DTD1: variants seen among roughly 807,000 people sequenced by gnomAD.
DTD1 encodes D-aminoacyl-tRNA deacylase 1.
In DTD1, 13 loss-of-function variants were observed where a neutral mutation model predicts 25.6. That is an observed-to-expected ratio of 0.51 (90% CI 0.33 to 0.81). The LOEUF (loss-of-function observed/expected upper bound fraction) is 0.81, where lower values mean the gene tolerates loss of function less well. DTD1 is among the 30% of genes least tolerant of loss of function. The pLI, the probability that DTD1 is intolerant of heterozygous loss-of-function variation, is 0.02. For synonymous variants in DTD1, 110 were observed against 103.6 expected (o/e 1.06, Z -0.37); for missense variants, 193 against 266.4 (o/e 0.72, Z 1.92).
intron 4 of DTD1, among the ~76,000 whole-genome samples, chr20:18,669,198 G>A (rs1210861181): frequency 3.3e-5 from 5 of 152,190 alleles, no homozygotes; most frequent in South Asian, 2.1e-4. Flanking sequence ...GGGAAGGGGC[G>A]TCTCTGAGGC....
intron 4 of DTD1, among the ~76,000 whole-genome samples, chr20:18,692,261 A>G (rs1414211697): frequency 6.6e-6 from 1 of 152,160 alleles, no homozygotes; most frequent in Non-Finnish European, 1.5e-5. Flanking sequence ...AAGGAGTTTG[A>G]CGTTTGCTGA....
chr20:18,596,602 C>T (rs1210425732), intron 3 of DTD1, among the ~76,000 whole-genome samples: 1 of 151,516 alleles, frequency 6.6e-6, no homozygotes, highest in Non-Finnish European at 1.5e-5. Flanking sequence ...TTCTTGTAGC[C>T]ATATTTAAAA....
intron 4 of DTD1, among the ~76,000 whole-genome samples, chr20:18,639,268 A>G (rs749085478): frequency 5.3e-5 from 8 of 151,596 alleles, no homozygotes; most frequent in South Asian, 2.1e-4. Context: ...ACTATTGCCC[A>G]GTTTTCCCCC....
chr20:18,652,671 G>A (rs562428595), intron 4 of DTD1, among the ~76,000 whole-genome samples: 3 of 152,266 alleles, frequency 2.0e-5, no homozygotes, highest in African/African-American at 4.8e-5. Context: ...TTTCCATCCC[G>A]CTGGAGCACT....
At chr20:18,670,271 C>A (rs1191226863) in intron 4 of DTD1, among the ~76,000 whole-genome samples, 1 of 152,182 alleles carries the variant, frequency 6.6e-6, no homozygotes, top group African/African-American at 2.4e-5. Flanking sequence ...GCCTGGCCAA[C>A]ATGGCAAAAC....
rs897922896 is a variant in DTD1 at position 18,762,234 on chromosome 20, G to A, written c.*20-1126G>A. Among the ~76,000 whole-genome samples the A allele has an allele frequency of 5.9e-5, 9 of 152,286 alleles. No individual in the cohort carries two copies. In the East Asian group the frequency reaches 9.7e-4, roughly 16 times the overall value. On this transcript the variant is annotated intron_variant, in intron 5 of 5. Coordinates refer to ENST00000377452, the MANE Select transcript of DTD1 (RefSeq NM_080820.6). Reference sequence around the variant, plus strand: ...TGGCACTGCCATGGCATATTGAGTCGTATTGAAATCTTTTGCTTTTACTGA... The same window carrying A: ...TGGCACTGCCATGGCATATTGAGTCATATTGAAATCTTTTGCTTTTACTGA...
At position 18,631,988 on chromosome 20, in the gene DTD1, G is replaced by C. The variant is rs1004188835; in HGVS notation, c.477+3755G>C. The C allele has an allele frequency of 6.9e-6, 6 of 871,658 alleles. No homozygotes were observed. In the Admixed American group the frequency reaches 3.7e-4, roughly 54 times the overall value. The allele number at this position is 871,658 out of a possible 1,614,324, so 54.0% of individuals were successfully genotyped here. A position where few individuals can be genotyped will look rare whatever the true frequency, so the allele number is the denominator to read the frequency against. On this transcript the variant is annotated intron_variant, in intron 4 of 5. Coordinates refer to ENST00000377452, the MANE Select transcript of DTD1 (RefSeq NM_080820.6). Reference sequence around the variant, plus strand: ...CAAGATCTAATGTACACCATAAGGAGTGCAGTATCATATTGTGCACTGGGA... The same window carrying C: ...CAAGATCTAATGTACACCATAAGGACTGCAGTATCATATTGTGCACTGGGA...
intron 4 of DTD1, among the ~76,000 whole-genome samples, chr20:18,646,609 T>G (rs2060851442): frequency 6.6e-6 from 1 of 152,158 alleles, no homozygotes; most frequent in Non-Finnish European, 1.5e-5. Context: ...TCAGATTTGG[T>G]GTTTTCGTGT....
intron 5 of DTD1, among the ~76,000 whole-genome samples, chr20:18,753,847 T>C (rs1034849115): frequency 6.6e-6 from 1 of 152,108 alleles, no homozygotes; most frequent in Non-Finnish European, 1.5e-5. Flanking sequence ...GACCATCAGC[T>C]CTCAAGCAAA....
intron 4 of DTD1, among the ~76,000 whole-genome samples, chr20:18,658,002 A>C (rs4813337): frequency 6.6e-6 from 1 of 152,326 alleles, no homozygotes; most frequent in South Asian, 2.1e-4. Context: ...ACCAGGAGGC[A>C]AGGATACTTG....
At chr20:18,723,365 A>G (rs2061212241) in intron 4 of DTD1, among the ~76,000 whole-genome samples, 1 of 152,238 alleles carries the variant, frequency 6.6e-6, no homozygotes, top group Non-Finnish European at 1.5e-5. Context: ...TGTCCCTGCT[A>G]CTTGGCTCCA....
At chr20:18,627,453 T>C (rs907085282) in intron 3 of DTD1, among the ~76,000 whole-genome samples, 3 of 152,246 alleles carry the variant, frequency 2.0e-5, no homozygotes, top group Non-Finnish European at 4.4e-5. Context: ...TGTGTTTGCC[T>C]TCCCACCATG....
intron 4 of DTD1, among the ~76,000 whole-genome samples, chr20:18,664,439 C>T (rs1040971905): frequency 1.2e-4 from 19 of 152,152 alleles, no homozygotes; most frequent in African/African-American, 4.3e-4. Flanking sequence ...TGTGTTCCTG[C>T]TTTCTGATGG....
intron 4 of DTD1, among the ~76,000 whole-genome samples, chr20:18,658,827 G>T (rs2876501): frequency 0.019 from 2,936 of 152,292 alleles, 56 homozygotes; most frequent in South Asian, 0.041. Flanking sequence ...CTTATGTAGG[G>T]GTGGGACACT....
At chr20:18,651,916 C>A (rs1221453275) in intron 4 of DTD1, among the ~76,000 whole-genome samples, 2 of 152,158 alleles carry the variant, frequency 1.3e-5, no homozygotes, top group Non-Finnish European at 2.9e-5. Context: ...CAAACCAGCC[C>A]ACTTATTTAA....
intron 4 of DTD1, among the ~76,000 whole-genome samples, chr20:18,700,431 A>G (rs2061099493): frequency 6.6e-6 from 1 of 152,202 alleles, no homozygotes; most frequent in Non-Finnish European, 1.5e-5. Context: ...AAGATTATTA[A>G]AAAATAAAAT....
chr20:18,626,054 A>G (rs1014859344), intron 3 of DTD1, among the ~76,000 whole-genome samples: 1 of 152,186 alleles, frequency 6.6e-6, no homozygotes, highest in East Asian at 1.9e-4. Flanking sequence ...CTTTTTTGGC[A>G]TAATATTTTT....
chr20:18,702,925 C>T (rs1367291968), intron 4 of DTD1, among the ~76,000 whole-genome samples: 1 of 152,162 alleles, frequency 6.6e-6, no homozygotes, highest in Non-Finnish European at 1.5e-5. Context: ...CCTGGACCTG[C>T]CCTCTGGGCT....
rs1176964756 is a variant in DTD1, at chr20:18,708,245, ATATATAT to A, written c.478-35847_478-35841del. On this transcript the variant is annotated intron_variant, in intron 4 of 5. Coordinates refer to ENST00000377452, the MANE Select transcript of DTD1 (RefSeq NM_080820.6). ...TATATATATATTTTATATATATATAATATATATTATATATATATTTTATATATATATA... is the reference window on the plus strand; with the variant it reads ...TATATATATATTTTATATATATATAATATATATATATTTTATATATATATA... Among the ~76,000 whole-genome samples the A allele has an allele frequency of 2.7e-3, 18 of 6,572 alleles. No individual in the cohort carries two copies. In the South Asian group the frequency reaches 0.058, roughly 21 times the overall value. 4.3% of individuals were successfully genotyped at this position (6,572 alleles called of 152,430 possible).
Sources: gnomAD v4.1 joint callset for allele counts (sites outside exome capture counted in the v4.1 genomes callset) on GRCh38, gnomAD v4.1.1 for gene constraint, MANE v1.5 for transcripts, NCBI Gene and HGNC (gene_info 2026-07-23, HGNC 2026-07-21) for gene names.